The following PCDHGA6 variants were observed in gnomAD, a reference collection of about 807,000 sequenced individuals.
PCDHGA6 encodes the protein protocadherin gamma-A6.
In PCDHGA6, 41 loss-of-function variants were observed where a neutral mutation model predicts 60.6. That is an observed-to-expected ratio of 0.68 (90% CI 0.53 to 0.88). The LOEUF (loss-of-function observed/expected upper bound fraction) is 0.88. PCDHGA6 is among the 40% of genes least tolerant of loss of function. The pLI, the probability that PCDHGA6 is intolerant of heterozygous loss-of-function variation, is 0.00. For synonymous variants in PCDHGA6, 594 were observed against 524.4 expected (o/e 1.13, Z -1.81); for missense variants, 1,312 against 1,203.0 (o/e 1.09, Z -1.34).
At chr5:141,502,288 G>C (rs2099813700) in intron 2 of PCDHGA6, among the ~76,000 whole-genome samples, 1 of 151,338 alleles carries the variant, frequency 6.6e-6, no homozygotes, top group African/African-American at 2.5e-5. Flanking sequence ...ATTGCATTTG[G>C]TTGTCACGTC....
intron 1 of PCDHGA6, among the ~76,000 whole-genome samples, chr5:141,484,138 G>A (rs184277779): frequency 6.6e-6 from 1 of 152,244 alleles, no homozygotes; most frequent in Admixed American, 6.5e-5. Context: ...TCAGATAAAG[G>A]GAATTTGTAG....
rs2099883868 is a variant in PCDHGA6 at position 141,511,590 on chromosome 5, A to G, written c.*417A>G. On this transcript the variant is annotated 3_prime_UTR_variant, in exon 4 of 4. Transcript: ENST00000517434. The stretch of plus-strand genomic sequence containing the variant: ...AGTAAGGTGGTTGGGGTGTTGAAGT[A>G]CCAAGTAACCTACAAGCCTCCTAGT... 3.7e-6 allele frequency: 1 copy of G among 267,908 alleles called. No individual in the cohort carries two copies. The highest frequency in any genetic ancestry group is 7.4e-6 in the Non-Finnish European group (1 of 135,038). 16.6% of individuals were successfully genotyped at this position (267,908 alleles called of 1,614,324 possible). A position where few individuals can be genotyped will look rare whatever the true frequency, so the allele number is the denominator to read the frequency against.
chr5:141,427,151 G>A (rs1481629222), intron 1 of PCDHGA6: 1 of 456,934 alleles, frequency 2.2e-6, no homozygotes, highest in Admixed American at 2.3e-5. Flanking sequence ...TTGGAAATAT[G>A]TTTGTGCTAG....
intron 1 of PCDHGA6, among the ~76,000 whole-genome samples, chr5:141,450,812 T>A (rs2098694727): frequency 7.5e-6 from 1 of 133,924 alleles, no homozygotes; most frequent in Admixed American, 7.4e-5. Context: ...ATTTATTTAT[T>A]TAATATTATT....
intron 1 of PCDHGA6, chr5:141,399,640 G>C: frequency 2.5e-6 from 4 of 1,613,836 alleles, no homozygotes; most frequent in Non-Finnish European, 3.4e-6. Flanking sequence ...GTCCATGAGC[G>C]CGCAAAGTGG....
rs2099411055 is a variant in PCDHGA6, at chr5:141,477,429, C to T, written c.2425-17378C>T. 6.2e-7 allele frequency: 1 copy of T among 1,614,218 alleles called. No individual in the cohort carries two copies. Among genetic ancestry groups the T allele is most frequent in the South Asian group, 1.1e-5 (1 of 91,082 alleles). ...CGAGACGCCGGAACCCCTTCCCTCT[C>T]AGCCCTTACAATAGTGCGTGTTCAA... On this transcript the variant is annotated intron_variant, in intron 1 of 3. Coordinates refer to ENST00000517434, the MANE Select transcript of PCDHGA6 (RefSeq NM_018919.3). The surrounding 1 kb of genome is among the most constrained non-coding windows in gnomAD (Gnocchi z 4.9).
In PCDHGA6 at chr5:141,431,482, G is replaced by C. The variant is rs781371030; in HGVS notation, c.2424+54975G>C. ...TGGATGCGAACGACAACGCACCAGCGTTTGCTCAGCCCGAGTACCGCGCGA... is the reference window on the plus strand; with the variant it reads ...TGGATGCGAACGACAACGCACCAGCCTTTGCTCAGCCCGAGTACCGCGCGA... On this transcript the variant is annotated intron_variant, in intron 1 of 3. Coordinates refer to ENST00000517434, the MANE Select transcript of PCDHGA6 (RefSeq NM_018919.3). The surrounding 1 kb of genome is among the most constrained non-coding windows in gnomAD (Gnocchi z 4.8). The C allele has an allele frequency of 6.8e-6, 11 of 1,613,800 alleles. No individual in the cohort carries two copies. The Admixed American group carries it at 1.3e-4, about 20-fold the overall frequency.
intron 1 of PCDHGA6, among the ~76,000 whole-genome samples, chr5:141,382,275 G>A (rs192196334): frequency 6.6e-6 from 1 of 152,264 alleles, no homozygotes; most frequent in African/African-American, 2.4e-5. Context: ...GAACATATGT[G>A]TTCAATTAAT....
intron 1 of PCDHGA6, chr5:141,412,862 T>A (rs957973834): frequency 7.5e-5 from 18 of 241,156 alleles, no homozygotes; most frequent in African/African-American, 3.4e-4. Context: ...AAAGAATCTA[T>A]GTAAAATATA....
intron 1 of PCDHGA6, among the ~76,000 whole-genome samples, chr5:141,379,797 G>C (rs1775829191): frequency 6.6e-6 from 1 of 150,836 alleles, no homozygotes; most frequent in African/African-American, 2.4e-5. Flanking sequence ...GGCTATCTGA[G>C]GTTTTGAGAG....
chr5:141,464,578 A>G (rs2099086989), intron 1 of PCDHGA6, among the ~76,000 whole-genome samples: 1 of 152,164 alleles, frequency 6.6e-6, no homozygotes, highest in Non-Finnish European at 1.5e-5. Flanking sequence ...ATAGATGAGA[A>G]TGTCCATTGT....
At chr5:141,421,955 T>A in intron 1 of PCDHGA6, 1 of 1,612,914 alleles carries the variant, frequency 6.2e-7, no homozygotes, top group South Asian at 1.1e-5. Context: ...ATCCCAATGT[T>A]TACACAGTCC....
In PCDHGA6 at chr5:141,375,007, C is replaced by T. The variant is rs369489853; in HGVS notation, c.924C>T (p.Asp308=). The part of the protein sequence containing the change: ...TGEISTSANL[D]YEDSSFYELG... ...AAATTTCAACTTCTGCAAATCTAGA[C>T]TATGAGGACTCGAGTTTTTATGAGC... Residue 308 remains aspartate (D), a synonymous_variant, in exon 1 of 4, where the codon GAC becomes GAT. Coordinates refer to ENST00000517434, the MANE Select transcript of PCDHGA6 (RefSeq NM_018919.3). 1 of 1,614,000 alleles carries T rather than the reference C, an allele frequency of 6.2e-7. No homozygotes were observed. Among genetic ancestry groups the T allele is most frequent in the African/African-American group, 1.3e-5 (1 of 75,060 alleles).
At position 141,489,074 on chromosome 5, in the gene PCDHGA6, C is replaced by A; in HGVS notation, c.2425-5733C>A. On this transcript the variant is annotated intron_variant, in intron 1 of 3. Coordinates refer to ENST00000517434, the MANE Select transcript of PCDHGA6 (RefSeq NM_018919.3). The surrounding 1 kb of genome is among the most constrained non-coding windows in gnomAD (Gnocchi z 4.5). ...TTCAGCTCCCCTCCCCCCTGCCCAC[C>A]CCCGCCACTCGGTGACTAAGAACTG... 9.4e-6 allele frequency: 3 copies of A among 320,798 alleles called. No individual in the cohort carries two copies. The highest frequency in any genetic ancestry group is 1.7e-5 in the Non-Finnish European group (3 of 177,744). 19.9% of individuals were successfully genotyped at this position (320,798 alleles called of 1,614,324 possible). A position where few individuals can be genotyped will look rare whatever the true frequency, so the allele number is the denominator to read the frequency against.
Position 141,487,070 on chromosome 5 carries a change from C to T in PCDHGA6, c.2425-7737C>T. ...TGCTGGGGAGGTGCGGACGGCTGTT[C>T]CTATCCCAGCTGACCTCCCACCACA... On this transcript the variant is annotated intron_variant, in intron 1 of 3. Coordinates refer to ENST00000517434, the MANE Select transcript of PCDHGA6 (RefSeq NM_018919.3). This position sits in a 1 kb window ranked among gnomAD's most constrained non-coding sequence, Gnocchi z 5.0. The T allele has an allele frequency of 6.2e-7, 1 of 1,614,154 alleles. No homozygotes were observed. Among genetic ancestry groups the T allele is most frequent in the Non-Finnish European group, 8.5e-7 (1 of 1,180,008 alleles).
rs1180919465 is a variant in PCDHGA6 at position 141,410,681 on chromosome 5, G to A, written c.2424+34174G>A. On this transcript the variant is annotated intron_variant, in intron 1 of 3. Coordinates refer to ENST00000517434, the MANE Select transcript of PCDHGA6 (RefSeq NM_018919.3). ...AGTCTACTAGTTTCTCATATTTTAG[G>A]CATACTACTTTATTTTCATATCTAG... The A allele has an allele frequency of 3.9e-6, 6 of 1,535,084 alleles. No homozygotes were observed. The East Asian group carries it at 1.4e-4, about 35-fold the overall frequency.
At chr5:141,383,870 G>A in intron 1 of PCDHGA6, 1 of 1,613,960 alleles carries the variant, frequency 6.2e-7, no homozygotes, top group Non-Finnish European at 8.5e-7. Context: ...GCTCAAGATG[G>A]TCCTGGTAGT....
At chr5:141,415,909 C>A in intron 1 of PCDHGA6, 1 of 761,030 alleles carries the variant, frequency 1.3e-6, no homozygotes, top group Non-Finnish European at 1.8e-6. Flanking sequence ...GACTTCCATA[C>A]AGAAGTGCCT....
At chr5:141,406,255 A>G (rs1456869005) in intron 1 of PCDHGA6, among the ~76,000 whole-genome samples, 1 of 151,948 alleles carries the variant, frequency 6.6e-6, no homozygotes, top group Admixed American at 6.5e-5. Context: ...ACTGGTCTCA[A>G]ACGATCTTCC....
Sources: allele counts gnomAD v4.1 joint callset (sites outside exome capture counted in the v4.1 genomes callset), GRCh38; gene constraint gnomAD v4.1.1; non-coding constraint Gnocchi (gnomAD v3.1); transcripts MANE v1.5; gene names NCBI Gene and HGNC (gene_info 2026-07-23, HGNC 2026-07-21).